Variants in ARHGEF26 observed in about 807,000 individuals in gnomAD.
ARHGEF26 encodes Rho guanine nucleotide exchange factor 26.
ARHGEF26 carries 59 observed loss-of-function variants against 89.4 expected under a neutral mutation model. The ratio of observed to expected loss-of-function variants is 0.66; its 90% confidence interval spans 0.54 to 0.82. The LOEUF is 0.82. Among genes scored for constraint, ARHGEF26 ranks in the 40% least tolerant of loss-of-function variants. The pLI, the probability that ARHGEF26 is intolerant of heterozygous loss-of-function variation, is 0.00. For missense variants in ARHGEF26, 1,234 were observed against 1,085.6 expected, an observed-to-expected ratio of 1.14 and a Z score of -1.92; for synonymous variants, 500 against 428.4, an observed-to-expected ratio of 1.17 and a Z score of -2.06.
chr3:154,257,183 T>G lies in ARHGEF26; in HGVS notation c.*1710T>G. 1 of 479,962 alleles carries G rather than the reference T, an allele frequency of 2.1e-6. No homozygotes were observed. The highest frequency in any genetic ancestry group is 3.8e-5 in the South Asian group (1 of 26,206). 29.7% of individuals were successfully genotyped at this position (479,962 alleles called of 1,614,324 possible). On this transcript the variant is annotated 3_prime_UTR_variant, in exon 15 of 15. Coordinates refer to ENST00000465093, the MANE Select transcript of ARHGEF26 (RefSeq NM_015595.4). Reference sequence around the variant, plus strand: ...TGAGCCAGTGTGGGGCACTGGGGACTTCTAACCCTTGGATTGCTCTTTTTG... The same window carrying G: ...TGAGCCAGTGTGGGGCACTGGGGACGTCTAACCCTTGGATTGCTCTTTTTG...
chr3:154,208,549 C>A (rs1369360684), intron 9 of ARHGEF26, among the ~76,000 whole-genome samples: 1 of 152,034 alleles, frequency 6.6e-6, no homozygotes, highest in Non-Finnish European at 1.5e-5. Context: ...TCTTTCTCTA[C>A]CTCTTCTTTA....
intron 9 of ARHGEF26, among the ~76,000 whole-genome samples, chr3:154,205,315 A>G (rs938237370): frequency 2.6e-5 from 4 of 152,160 alleles, no homozygotes; most frequent in East Asian, 1.9e-4. Flanking sequence ...TGATATAAGT[A>G]TAGCAACTCC....
In ARHGEF26 at chr3:154,182,552, A is replaced by C. The variant is rs138027718; in HGVS notation, c.1488-5133A>C. Among the ~76,000 whole-genome samples the C allele has an allele frequency of 6.9e-3, 1,050 of 152,310 alleles. 4 individuals are homozygous for C. The highest frequency in any genetic ancestry group is 0.011 in the Non-Finnish European group (738 of 68,018). ...CACATTTTGTCATGGCGTGGATCTT[A>C]CTGTGAACATCTGCACTACGTTGAT... is the stretch of plus-strand genomic sequence containing the variant. On this transcript the variant is annotated intron_variant, in intron 6 of 14. Coordinates refer to ENST00000465093, the MANE Select transcript of ARHGEF26 (RefSeq NM_015595.4).
intron 11 of ARHGEF26, among the ~76,000 whole-genome samples, chr3:154,228,180 A>G (rs1328310109): frequency 1.4e-5 from 2 of 147,198 alleles, no homozygotes; most frequent in Non-Finnish European, 1.5e-5. Flanking sequence ...GTTGTTGCCC[A>G]GGCTGGAGTG....
chr3:154,240,663 C>G, intron 12 of ARHGEF26, 84 bp downstream of exon 12: 1 of 1,246,146 alleles, frequency 8.0e-7, no homozygotes, highest in Non-Finnish European at 1.1e-6. Context: ...TTCCTAAAAA[C>G]AGCAGCTACT....
chr3:154,188,035 C>G (rs1298600877), intron 7 of ARHGEF26, among the ~76,000 whole-genome samples, 198 bp downstream of exon 7: 5 of 152,116 alleles, frequency 3.3e-5, no homozygotes, highest in Non-Finnish European at 2.9e-5. Flanking sequence ...AGAGAATTTT[C>G]TCTCTTACGA....
In ARHGEF26 at chr3:154,123,050, A is replaced by C. The variant is rs765675256; in HGVS notation, c.1058A>C (p.Lys353Thr). The C allele has an allele frequency of 3.3e-5, 54 of 1,613,836 alleles. 1 individual carries two copies. In the South Asian group the frequency reaches 4.9e-4, roughly 15 times the overall value. Residue 353 changes from lysine to threonine, a missense_variant, in exon 2 of 15, where the codon AAG (lysine) becomes ACG (threonine). Transcript: ENST00000465093. ...VLKVVMEDKE[K>T]FSSLGRIKKK... Reference sequence around the variant, plus strand: ...AAAGTGGTGATGGAAGACAAGGAGAAGTTTTCCAGTCTGGGAAGGATAAAG... The same window carrying C: ...AAAGTGGTGATGGAAGACAAGGAGACGTTTTCCAGTCTGGGAAGGATAAAG...
At chr3:154,215,596 T>C (rs543566966) in intron 9 of ARHGEF26, among the ~76,000 whole-genome samples, 133 of 152,224 alleles carry the variant, frequency 8.7e-4, no homozygotes, top group African/African-American at 2.8e-3. Flanking sequence ...GGAACAGATA[T>C]TTATTGCTCA....
rs536222447 is a variant in ARHGEF26 at position 154,182,717 on chromosome 3, A to G, written c.1488-4968A>G. ...AGTAACAGGTGGGCAAGATCAGCTC[A>G]CCGCTGAGAGCTGAGGCAGCAGGTG... On this transcript the variant is annotated intron_variant, in intron 6 of 14. Coordinates refer to ENST00000465093, the MANE Select transcript of ARHGEF26 (RefSeq NM_015595.4). 7.9e-5 allele frequency among the ~76,000 whole-genome samples: 12 copies of G among 152,314 alleles called. No individual in the cohort carries two copies. In the East Asian group the frequency reaches 1.7e-3, roughly 22 times the overall value.
chr3:154,183,544 C>T (rs956817550), intron 6 of ARHGEF26, among the ~76,000 whole-genome samples: 1 of 152,090 alleles, frequency 6.6e-6, no homozygotes, highest in African/African-American at 2.4e-5. Flanking sequence ...TCTTGGTTCC[C>T]GAAATCATAC....
chr3:154,145,136 C>G (rs1335295896), intron 4 of ARHGEF26, among the ~76,000 whole-genome samples: 15 of 152,092 alleles, frequency 9.9e-5, no homozygotes, highest in Admixed American at 9.8e-4. Flanking sequence ...TTAAAGAGAG[C>G]CTATTGGGTC....
At chr3:154,129,427 C>T (rs1718538913) in intron 3 of ARHGEF26, 147 bp from the exon 4 acceptor site, 1 of 931,388 alleles carries the variant, frequency 1.1e-6, no homozygotes, top group East Asian at 2.7e-5. Flanking sequence ...AATCACTTTT[C>T]TGTAATTATT....
chr3:154,127,415 A>G (rs1258894181), intron 3 of ARHGEF26, among the ~76,000 whole-genome samples: 1 of 152,114 alleles, frequency 6.6e-6, no homozygotes, highest in African/African-American at 2.4e-5. Flanking sequence ...GTTGAAACTA[A>G]ACACATGCAT....
chr3:154,177,398 C>G (rs1386865331), intron 6 of ARHGEF26, among the ~76,000 whole-genome samples: 2 of 152,060 alleles, frequency 1.3e-5, no homozygotes, highest in African/African-American at 4.8e-5. Flanking sequence ...TTCCTCTTAC[C>G]AGGGTACCTT....
At chr3:154,215,733 GAGA>G (rs914509073) in intron 9 of ARHGEF26, among the ~76,000 whole-genome samples, 5 of 152,086 alleles carry the variant, frequency 3.3e-5, no homozygotes, top group Non-Finnish European at 5.9e-5. Context: ...AGAGAGCAGA[GAGA>G]AGAAGAAAGC....
At chr3:154,224,644 G>C (rs549447865) in intron 10 of ARHGEF26, among the ~76,000 whole-genome samples, 1 of 152,118 alleles carries the variant, frequency 6.6e-6, no homozygotes, top group South Asian at 2.1e-4. Context: ...GCAATCTGTC[G>C]ACCTTTAAGG....
rs183074593 is a variant in ARHGEF26, at chr3:154,168,438, G to A, written c.1487+15506G>A. Among the ~76,000 whole-genome samples the A allele has an allele frequency of 6.7e-3, 1,015 of 152,200 alleles. 8 individuals are homozygous for A. Among genetic ancestry groups the A allele is most frequent in the Non-Finnish European group, 8.7e-3 (589 of 67,998 alleles). On this transcript the variant is annotated intron_variant, in intron 6 of 14. Transcript: ENST00000465093. ...CAAAGTATACAAAAATTAGCCAGGC[G>A]TGGTGGCACATGCCTGTAGTCCCAC... is the stretch of plus-strand genomic sequence containing the variant.
intron 6 of ARHGEF26, among the ~76,000 whole-genome samples, chr3:154,164,726 T>A (rs974211060): frequency 6.6e-6 from 1 of 152,186 alleles, no homozygotes; most frequent in Admixed American, 6.5e-5. Context: ...GCTGAAGTTG[T>A]CCTGTGATGT....
Position 154,256,969 on chromosome 3 carries a change from C to G in ARHGEF26, c.*1496C>G, listed in dbSNP as rs1559934574. On this transcript the variant is annotated 3_prime_UTR_variant, in exon 15 of 15. Coordinates refer to ENST00000465093, the MANE Select transcript of ARHGEF26 (RefSeq NM_015595.4). ...ATTTTTACTGGCAGCTATATTCCCT[C>G]TCTGTTCTATTTGCTTTAACAAAGG... The G allele has an allele frequency of 6.5e-7, 1 of 1,528,324 alleles. No individual in the cohort carries two copies. The highest frequency in any genetic ancestry group is 8.7e-7 in the Non-Finnish European group (1 of 1,143,882). The allele number at this position is 1,528,324 out of a possible 1,614,324, so 94.7% of individuals were successfully genotyped here.
Sources: gnomAD v4.1 joint callset for allele counts (sites outside exome capture counted in the v4.1 genomes callset) on GRCh38, gnomAD v4.1.1 for gene constraint, MANE v1.5 for transcripts, NCBI Gene and HGNC (gene_info 2026-07-23, HGNC 2026-07-21) for gene names.